PXT1: variants seen among roughly 807,000 people sequenced by gnomAD.
PXT1 encodes the protein peroxisomal testis-specific protein 1.
Under a neutral mutation model 11.0 loss-of-function variants are expected in PXT1, and 11 were observed. The ratio of observed to expected loss-of-function variants is 1.00; its 90% CI spans 0.63 to 1.66. The LOEUF is 1.66. PXT1 is among the 40% of genes most tolerant of loss of function. PXT1 has a pLI of 0.00. For synonymous variants in PXT1, 43 were observed against 51.4 expected (o/e 0.84, Z 0.70); for missense variants, 141 against 155.5 (o/e 0.91, Z 0.49).
At chr6:36,435,292 T>A (rs2127418777) in intron 2 of PXT1, among the ~76,000 whole-genome samples, 1 of 152,286 alleles carries the variant, frequency 6.6e-6, no homozygotes, top group South Asian at 2.1e-4. Context: ...GTGCAATGGC[T>A]TACGCCTGTA....
At chr6:36,395,493 ATTTTTTTTTTTTTTTT>A (rs148553371) in intron 4 of PXT1, among the ~76,000 whole-genome samples, 1 of 73,312 alleles carries the variant, frequency 1.4e-5, no homozygotes, top group Non-Finnish European at 2.4e-5. Flanking sequence ...CAAACTTAGG[ATTTTTTTTTTTTTTTT>A]TTTTTTTTTT....
rs140129761 is a variant in PXT1, at chr6:36,406,527, A to G, written c.170-5943T>C. 9.6e-4 allele frequency among the ~76,000 whole-genome samples: 146 copies of G among 152,246 alleles called. 1 individual carries two copies. The highest frequency in any genetic ancestry group is 3.4e-3 in the African/African-American group (142 of 41,562). ...GGTAATCAGAAAGAAACCAAGACTC[A>G]AGAGGTCGGGTGTGGTGGCTCACAC... On this transcript the variant is annotated intron_variant, in intron 3 of 4. Coordinates refer to ENST00000454782, the MANE Select transcript of PXT1 (RefSeq NM_152990.4).
chr6:36,408,317 C>T (rs568069563), intron 3 of PXT1, among the ~76,000 whole-genome samples: 1 of 148,110 alleles, frequency 6.8e-6, no homozygotes, highest in South Asian at 2.2e-4. Flanking sequence ...CTGCTTCTCT[C>T]TGTTGCAGTG....
At chr6:36,407,938 A>C (rs922842513) in intron 3 of PXT1, among the ~76,000 whole-genome samples, 22 of 148,240 alleles carry the variant, frequency 1.5e-4, no homozygotes, top group Non-Finnish European at 3.1e-4. Flanking sequence ...CAGCTGGTTA[A>C]TCCTTTTTCT....
At chr6:36,404,887 G>A (rs1279022204) in intron 3 of PXT1, among the ~76,000 whole-genome samples, 1 of 152,132 alleles carries the variant, frequency 6.6e-6, no homozygotes, top group Non-Finnish European at 1.5e-5. Flanking sequence ...AAACTGGGAG[G>A]GAGAGGTTGC....
chr6:36,424,303 A>G (rs1024314670), intron 3 of PXT1, among the ~76,000 whole-genome samples: 4 of 152,266 alleles, frequency 2.6e-5, no homozygotes, highest in East Asian at 1.9e-4. Context: ...AGGTGACACA[A>G]TCTCAGACTT....
rs575731824 is a variant in PXT1 at position 36,439,106 on chromosome 6, C to G, written c.-129-220G>C. Among the ~76,000 whole-genome samples, 540 of 151,862 alleles carry G rather than the reference C, an allele frequency of 3.6e-3. 5 individuals are homozygous for G. Among genetic ancestry groups the G allele is most frequent in the Non-Finnish European group, 6.3e-3 (425 of 67,958 alleles). ...CTCCGCCTCCTGGGTTCAAGCAATT[C>G]TCCTGCCTCAGCCTCTCAAGTAGCT... On this transcript the variant is annotated intron_variant, in intron 1 of 4. Transcript: ENST00000454782.
intron 3 of PXT1, among the ~76,000 whole-genome samples, chr6:36,411,408 G>A (rs915469194): frequency 5.9e-5 from 9 of 152,124 alleles, no homozygotes; most frequent in African/African-American, 9.7e-5. Flanking sequence ...CTGAGATCCC[G>A]CCACTGCACT....
intron 2 of PXT1, 26 bp from the exon 3 acceptor site, chr6:36,426,117 CT>C (rs1431350722): frequency 1.5e-6 from 2 of 1,367,160 alleles, no homozygotes; most frequent in Middle Eastern, 1.8e-4. Flanking sequence ...TTTTCAGAGG[CT>C]TTCCCCCATT....
intron 2 of PXT1, among the ~76,000 whole-genome samples, chr6:36,434,963 T>G (rs1774741610): frequency 6.6e-6 from 1 of 152,196 alleles, no homozygotes; most frequent in African/African-American, 2.4e-5. Context: ...TGAAAGGTAC[T>G]TTTATGTGAT....
intron 4 of PXT1, among the ~76,000 whole-genome samples, chr6:36,398,975 G>A (rs1472316776): frequency 6.6e-6 from 1 of 152,040 alleles, no homozygotes; most frequent in African/African-American, 2.4e-5. Context: ...GCTCACTGCT[G>A]TAGCCACCAA....
intron 1 of PXT1, among the ~76,000 whole-genome samples, chr6:36,440,870 A>G (rs536945993): frequency 6.6e-6 from 1 of 152,292 alleles, no homozygotes; most frequent in Non-Finnish European, 1.5e-5. Flanking sequence ...TGTTTATTAT[A>G]TCTTTCTGTA....
At chr6:36,429,501 T>C (rs1262933430) in intron 2 of PXT1, among the ~76,000 whole-genome samples, 1 of 116,444 alleles carries the variant, frequency 8.6e-6, no homozygotes, top group East Asian at 2.9e-4. Context: ...TTTTCTTTTT[T>C]TCTTTTCTTT....
chr6:36,394,722 G>GT (rs1204517350), intron 4 of PXT1, among the ~76,000 whole-genome samples: 20 of 57,782 alleles, frequency 3.5e-4, no homozygotes, highest in African/African-American at 1.0e-3. Context: ...TATGTCCCGG[G>GT]TTTAAAAAAA....
chr6:36,414,554 A>AT (rs1420158215), intron 3 of PXT1, among the ~76,000 whole-genome samples: 1 of 152,220 alleles, frequency 6.6e-6, no homozygotes, highest in Non-Finnish European at 1.5e-5. Flanking sequence ...CTTTATCTGT[A>AT]TAACTAGGCA....
At chr6:36,439,281 C>T (rs1358256373) in intron 1 of PXT1, among the ~76,000 whole-genome samples, 1 of 151,296 alleles carries the variant, frequency 6.6e-6, no homozygotes, top group African/African-American at 2.4e-5. Flanking sequence ...TACAGGCGTC[C>T]GGCCTATTTT....
At chr6:36,398,373 A>T (rs536350701) in intron 4 of PXT1, among the ~76,000 whole-genome samples, 1 of 152,218 alleles carries the variant, frequency 6.6e-6, no homozygotes, top group Non-Finnish European at 1.5e-5. Context: ...TTCCATTCCT[A>T]GGTATGTACC....
intron 3 of PXT1, among the ~76,000 whole-genome samples, chr6:36,423,045 T>C (rs1774545091): frequency 6.6e-6 from 1 of 152,198 alleles, no homozygotes; most frequent in African/African-American, 2.4e-5. Flanking sequence ...AAAATGTGGC[T>C]TTGAATTCCC....
intron 2 of PXT1, among the ~76,000 whole-genome samples, chr6:36,431,747 T>C (rs757543543): frequency 1.1e-4 from 16 of 150,556 alleles, no homozygotes; most frequent in East Asian, 2.0e-4. Flanking sequence ...GCCTGGGCAA[T>C]AGAGTGAGAC....
Sources: gnomAD v4.1 joint callset for allele counts (sites outside exome capture counted in the v4.1 genomes callset) on GRCh38, gnomAD v4.1.1 for gene constraint, MANE v1.5 for transcripts, NCBI Gene and HGNC (gene_info 2026-07-23, HGNC 2026-07-21) for gene names.